Variants in SYT3 observed in about 807,000 individuals in gnomAD.
SYT3 encodes synaptotagmin-3.
A neutral mutation model predicts 50.6 loss-of-function variants in SYT3; 25 were observed. The ratio of observed to expected loss-of-function variants is 0.49; its 90% CI spans 0.36 to 0.69. SYT3 has a LOEUF of 0.69. SYT3 is among the 30% of genes least tolerant of loss of function. The probability of loss-of-function intolerance (pLI) is 0.00; values close to 1 mark genes in which losing one functional copy is unlikely to be tolerated. For synonymous variants in SYT3, 323 were observed against 353.9 expected (o/e 0.91, Z 0.98); for missense variants, 589 against 793.6 (o/e 0.74, Z 3.10).
Position 50,625,783 on chromosome 19 carries a change from C to T in SYT3, c.1402+114G>A. 3.3e-6 allele frequency: 2 copies of T among 598,026 alleles called. 1 individual carries two copies. The highest frequency in any genetic ancestry group is 5.6e-6 in the Non-Finnish European group (2 of 354,044). The allele number at this position is 598,026 out of a possible 1,614,324, so 37.0% of individuals were successfully genotyped here. A position where few individuals can be genotyped will look rare whatever the true frequency, so the allele number is the denominator to read the frequency against. ...CCCTCCTCCCTCAGACCCAGGAGTC[C>T]AGATCCCCAGCTCCTCCTCCCTCAG... On this transcript the variant is annotated intron_variant, in intron 7 of 10. Coordinates refer to ENST00000600079, the MANE Select transcript of SYT3 (RefSeq NM_001160329.2). The surrounding 1 kb of genome is among the most constrained non-coding windows in gnomAD (Gnocchi z 7.5).
the SYT3 span, chr19:50,657,998 G>A: frequency 2.6e-6 from 4 of 1,530,902 alleles, no homozygotes; most frequent in African/African-American, 2.7e-5. Context: ...GCCCGAGGAG[G>A]ATTTTACCCA....
At chr19:50,644,296 AT>A (rs1339480203), upstream of SYT3, among the ~76,000 whole-genome samples, 1 of 152,020 alleles carries the variant, frequency 6.6e-6, no homozygotes, top group African/African-American at 2.4e-5. Flanking sequence ...GGATGAGTGA[AT>A]GGCTGGATGG....
rs1305477032 is a variant in SYT3, at chr19:50,625,733, C to T, written c.1402+164G>A. Among the ~76,000 whole-genome samples the T allele has an allele frequency of 6.9e-6, 1 of 145,348 alleles. No individual in the cohort carries two copies. The highest frequency in any genetic ancestry group is 2.5e-5 in the African/African-American group (1 of 39,666). On this transcript the variant is annotated intron_variant, in intron 7 of 10. Transcript: ENST00000600079. The surrounding 1 kb of genome is among the most constrained non-coding windows in gnomAD (Gnocchi z 7.5). Reference sequence around the variant, plus strand: ...TCCAGACCCCAGGTCCTCCTCTCTCCGACCCAGGAGTCCAGGCCCCTGGCC... The same window carrying T: ...TCCAGACCCCAGGTCCTCCTCTCTCTGACCCAGGAGTCCAGGCCCCTGGCC...
At chr19:50,634,023 C>T (rs1433045552) in intron 3 of SYT3, among the ~76,000 whole-genome samples, 1 of 152,236 alleles carries the variant, frequency 6.6e-6, no homozygotes, top group East Asian at 1.9e-4. Context: ...CCACTATGTG[C>T]GTCCAACACC....
At position 50,625,536 on chromosome 19, in the gene SYT3, G is replaced by A. The variant is rs765566261; in HGVS notation, c.1431C>T (p.Ser477=). 5.0e-6 allele frequency: 8 copies of A among 1,602,512 alleles called. No individual in the cohort carries two copies. Among genetic ancestry groups the A allele is most frequent in the Admixed American group, 3.4e-5 (2 of 58,130 alleles). The change falls in exon 8 of 11, where the codon AGC becomes AGT. Residue 477 remains serine, a synonymous_variant. Coordinates refer to ENST00000600079, the MANE Select transcript of SYT3 (RefSeq NM_001160329.2). This position sits in a 1 kb window ranked among gnomAD's most constrained non-coding sequence, Gnocchi z 7.5. ...TCCGCTTCTTCAGACGCCGCCCCTC[G>A]CTGATCAGGGAGGCCTTCACGTAGG... ...SDPYVKASLI[S]EGRRLKKRKT...
At chr19:50,630,571 C>T (rs1391521327) in intron 4 of SYT3, among the ~76,000 whole-genome samples, 1 of 152,136 alleles carries the variant, frequency 6.6e-6, no homozygotes, top group South Asian at 2.1e-4. Flanking sequence ...TACAGGCATG[C>T]ACCACCATAT....
At chr19:50,650,832 T>C in the SYT3 span, among the ~76,000 whole-genome samples, 22 of 152,222 alleles carry the variant, frequency 1.4e-4, no homozygotes, top group African/African-American at 5.1e-4. Context: ...AGGTCTCTTT[T>C]AGTGCTTTTG....
intron 3 of SYT3, among the ~76,000 whole-genome samples, chr19:50,636,948 G>A (rs925835892): frequency 1.3e-5 from 2 of 152,140 alleles, no homozygotes; most frequent in Admixed American, 6.6e-5. Flanking sequence ...ATAAAGTGAG[G>A]GAGATGGGAC....
At chr19:50,629,213 G>C in intron 6 of SYT3, 81 bp downstream of exon 6, 2 of 1,124,330 alleles carry the variant, frequency 1.8e-6, no homozygotes, top group Non-Finnish European at 2.5e-6. Context: ...AGGAAGTTAT[G>C]AACTCTGAGG....
chr19:50,637,121 G>A lies in SYT3; in HGVS notation c.148+143C>T, dbSNP rs1984519003. 1 of 1,092,570 alleles carries A rather than the reference G, an allele frequency of 9.2e-7. No individual in the cohort carries two copies. The highest frequency in any genetic ancestry group is 1.3e-6 in the Non-Finnish European group (1 of 765,114). 67.7% of individuals were successfully genotyped at this position (1,092,570 alleles called of 1,614,324 possible). On this transcript the variant is annotated intron_variant, in intron 3 of 10. Coordinates refer to ENST00000600079, the MANE Select transcript of SYT3 (RefSeq NM_001160329.2). This position sits in a 1 kb window ranked among gnomAD's most constrained non-coding sequence, Gnocchi z 4.9. ...CCTTCCCCTTGGATCAGAGATTTGG[G>A]AGAAGGGCAGCAGCAGGCAGAATGG...
intron 6 of SYT3, among the ~76,000 whole-genome samples, chr19:50,628,745 T>C (rs1425700836): frequency 6.6e-6 from 1 of 151,384 alleles, no homozygotes; most frequent in Non-Finnish European, 1.5e-5. Context: ...GGTGAGAGGT[T>C]GGAAAATCGG....
upstream of SYT3, among the ~76,000 whole-genome samples, chr19:50,641,047 A>C (rs1443581467): frequency 1.3e-5 from 2 of 152,146 alleles, no homozygotes; most frequent in Admixed American, 1.3e-4. Flanking sequence ...AGGAGACTCC[A>C]TCTCTACAAA....
chr19:50,645,057 A>C, the SYT3 span, among the ~76,000 whole-genome samples: 2 of 152,244 alleles, frequency 1.3e-5, no homozygotes, highest in South Asian at 4.1e-4. Context: ...ACATGTGTGT[A>C]AATACAGATT....
chr19:50,623,613 C>CAAAAAAAAAAAAAAAAAAAAAA (rs529397903), intron 9 of SYT3, among the ~76,000 whole-genome samples: 12 of 91,636 alleles, frequency 1.3e-4, no homozygotes, highest in African/African-American at 2.6e-4. Flanking sequence ...CCTGTCTCTA[C>CAAAAAAAAAAAAAAAAAAAAAA]AAAAAAAAAA....
At chr19:50,658,077 T>A in the SYT3 span, 1 of 1,535,920 alleles carries the variant, frequency 6.5e-7, no homozygotes, top group Non-Finnish European at 8.7e-7. Flanking sequence ...GTGAGCAGCA[T>A]CCGCTTTGAG....
intron 4 of SYT3, among the ~76,000 whole-genome samples, chr19:50,631,338 A>G (rs927624005): frequency 6.6e-6 from 1 of 151,528 alleles, no homozygotes; most frequent in Non-Finnish European, 1.5e-5. Flanking sequence ...TTGTTTTTGT[A>G]TTTTTAGTAG....
In SYT3 at chr19:50,625,326, G is replaced by C; in HGVS notation, c.1575-32C>G. ...GTTGGGGTCAGTGAGGACCGTGGAG[G>C]GTGGTGGGAGGGCCTGTCCCCACCC... is the stretch of plus-strand genomic sequence containing the variant. On this transcript the variant is annotated intron_variant, in intron 8 of 10. Coordinates refer to ENST00000600079, the MANE Select transcript of SYT3 (RefSeq NM_001160329.2). The surrounding 1 kb of genome is among the most constrained non-coding windows in gnomAD (Gnocchi z 7.5). The C allele has an allele frequency of 6.5e-7, 1 of 1,533,424 alleles. No homozygotes were observed. 95.0% of individuals were successfully genotyped at this position (1,533,424 alleles called of 1,614,324 possible). A position where few individuals can be genotyped will look rare whatever the true frequency, so the allele number is the denominator to read the frequency against.
chr19:50,656,403 C>T, the SYT3 span: 10 of 1,493,600 alleles, frequency 6.7e-6, no homozygotes, highest in East Asian at 2.0e-4. Flanking sequence ...ATGGGAAGGG[C>T]ACAGGCTGAG....
At chr19:50,640,724 GA>G (rs112696343), upstream of SYT3, among the ~76,000 whole-genome samples, 111 of 149,888 alleles carry the variant, frequency 7.4e-4, 1 homozygote, top group African/African-American at 2.3e-3. Context: ...TAGCTGATGA[GA>G]AAAAAAAAAT....
Sources: gnomAD v4.1 joint callset for allele counts (sites outside exome capture counted in the v4.1 genomes callset) on GRCh38, gnomAD v4.1.1 for gene constraint, Gnocchi (gnomAD v3.1) non-coding constraint, MANE v1.5 for transcripts, NCBI Gene and HGNC (gene_info 2026-07-23, HGNC 2026-07-21) for gene names.